PMEL: variants seen among roughly 807,000 people sequenced by gnomAD.
The protein encoded by PMEL is melanocyte protein PMEL.
Under a neutral mutation model 64.9 loss-of-function variants are expected in PMEL, and 53 were observed. The ratio of observed to expected loss-of-function variants is 0.82; its 90% CI spans 0.66 to 1.03. PMEL has a LOEUF of 1.03. PMEL is among the 50% of genes least tolerant of loss of function. The probability of loss-of-function intolerance (pLI) is 0.00; values close to 1 mark genes in which losing one functional copy is unlikely to be tolerated. For synonymous variants in PMEL, 299 were observed against 316.2 expected (o/e 0.95, Z 0.58); for missense variants, 716 against 814.9 (o/e 0.88, Z 1.48).
At chr12:55,962,448 C>CAAAAAAAA (rs1197796228) in intron 1 of PMEL, among the ~76,000 whole-genome samples, 40 of 37,508 alleles carry the variant, frequency 1.1e-3, no homozygotes, top group Non-Finnish European at 1.5e-3. Context: ...GACTCCATCT[C>CAAAAAAAA]AAAAAAAAAA....
rs759900864 is a variant in PMEL, at chr12:55,954,285, G to A, written c.1915C>T (p.Arg639Cys). The A allele has an allele frequency of 5.6e-6, 9 of 1,613,716 alleles. No homozygotes were observed. The highest frequency in any genetic ancestry group is 3.3e-5 in the South Asian group (3 of 91,068). Residue 639 changes from arginine (R) to cysteine (C), a missense_variant, in exon 11 of 11, where the codon CGT (arginine) becomes TGT (cysteine). Transcript: ENST00000548747. ...CAAGAGCAGAAGATGCGGGGTAGAC[G>A]CAGCCAGTGACTGCTGCTATGTGGC... ...QLPHSSSHWL[R>C]LPRIFCSCPI...
At position 55,955,850 on chromosome 12, in the gene PMEL, A is replaced by C. The variant is rs1375319386; in HGVS notation, c.1485T>G (p.Ser495Arg). ...VTLDIVQGIE[S>R]AEILQAVPSG... Reference sequence around the variant, plus strand: ...ACGGCACAGCCTGCAGGATCTCGGCACTTTCAATACCCTCTGCAGAGTTGC... The same window carrying C: ...ACGGCACAGCCTGCAGGATCTCGGCCCTTTCAATACCCTCTGCAGAGTTGC... The change falls in exon 8 of 11, where the codon AGT becomes AGG. Residue 495 changes from serine (S) to arginine (R), a missense_variant. By Grantham distance (110) the Ser-to-Arg change is moderately radical. Transcript: ENST00000548747. 1 of 1,613,798 alleles carries C rather than the reference A, an allele frequency of 6.2e-7. No individual in the cohort carries two copies. The highest frequency in any genetic ancestry group is 8.5e-7 in the Non-Finnish European group (1 of 1,179,842).
chr12:55,961,796 T>A, intron 1 of PMEL, 64 bp from the exon 2 acceptor site: 1 of 995,398 alleles, frequency 1.0e-6, no homozygotes, highest in Non-Finnish European at 1.6e-6. Flanking sequence ...GATAACACTC[T>A]ATTCATGTCA....
chr12:55,960,536 T>TG (rs201470356), intron 3 of PMEL, among the ~76,000 whole-genome samples: 1 of 133,034 alleles, frequency 7.5e-6, no homozygotes, highest in African/African-American at 3.2e-5. Context: ...TTTTGCTTTC[T>TG]GTTTTTTTTT....
At chr12:55,961,590 C>T in intron 2 of PMEL, 32 bp downstream of exon 2, 1 of 1,598,578 alleles carries the variant, frequency 6.3e-7, no homozygotes, top group African/African-American at 1.3e-5. Flanking sequence ...CCACTCCCAC[C>T]ATGCCCTCCC....
In PMEL at chr12:55,955,609, C is replaced by T. The variant is rs1311297797; in HGVS notation, c.1617G>A (p.Arg539=). 2 of 1,613,778 alleles carry T rather than the reference C, an allele frequency of 1.2e-6. No individual in the cohort carries two copies. The highest frequency in any genetic ancestry group is 1.7e-6 in the Non-Finnish European group (2 of 1,179,984). Residue 539 remains arginine (R), a synonymous_variant, in exon 9 of 11, where the codon CGG becomes CGA. Transcript: ENST00000548747. ...GGCTGGGTAGCACAGGCTGGCACAGCCGCTGGGCAGGGGGCTGGCACCCTG... is the reference window on the plus strand; with the variant it reads ...GGCTGGGTAGCACAGGCTGGCACAGTCGCTGGGCAGGGGGCTGGCACCCTG... ...SSPGCQPPAQ[R]LCQPVLPSPA...
upstream of PMEL, chr12:55,966,282 G>A (rs1359700033): frequency 9.3e-6 from 5 of 539,142 alleles, no homozygotes; most frequent in Middle Eastern, 5.1e-4. Flanking sequence ...AGGCAGCTGC[G>A]TAACACATAC....
At chr12:55,964,928 CTTTTTTT>C (rs545848638) in intron 1 of PMEL, among the ~76,000 whole-genome samples, 1 of 123,778 alleles carries the variant, frequency 8.1e-6, no homozygotes, top group Non-Finnish European at 1.7e-5. Context: ...CATCCCCTTT[CTTTTTTT>C]TTTTTTTTTT....
At chr12:55,966,049 A>C, upstream of PMEL, 1 of 1,614,060 alleles carries the variant, frequency 6.2e-7, no homozygotes, top group South Asian at 1.1e-5. Context: ...CACTGGGGGG[A>C]CTGGGATAGG....
chr12:55,954,365 G>A lies in PMEL; in HGVS notation c.1851-16C>T. On this transcript the variant is annotated splice_polypyrimidine_tract_variant and intron_variant, in intron 10 of 10. Transcript: ENST00000548747. The stretch of plus-strand genomic sequence containing the variant: ...AAGTCTGCGCCTGATATTGGGAGAA[G>A]GGGTAAACTGGTTAGCAATGGACAA... The A allele has an allele frequency of 6.2e-7, 1 of 1,613,790 alleles. No homozygotes were observed. Among genetic ancestry groups the A allele is most frequent in the Non-Finnish European group, 8.5e-7 (1 of 1,179,802 alleles).
rs746653925 is a variant in PMEL at position 55,966,019 on chromosome 12, T to C, written c.-8A>G. ...TTTTAGCACCAGATCCATTGTGTTCTTCCCTCCAGCAACCAAAGGCACTGG... is the reference window on the plus strand; with the variant it reads ...TTTTAGCACCAGATCCATTGTGTTCCTCCCTCCAGCAACCAAAGGCACTGG... On this transcript the variant is annotated 5_prime_UTR_variant, in exon 1 of 11. Transcript: ENST00000548747. The C allele has an allele frequency of 2.5e-6, 4 of 1,614,204 alleles. No homozygotes were observed. The highest frequency in any genetic ancestry group is 3.4e-6 in the Non-Finnish European group (4 of 1,180,004).
chr12:55,955,588 G>C lies in PMEL; in HGVS notation c.1638C>G (p.Pro546=). ...PAQRLCQPVL[P]SPACQLVLHQ... Reference sequence around the variant, plus strand: ...GCAGAACCAGCTGGCAGGCTGGGCTGGGTAGCACAGGCTGGCACAGCCGCT... The same window carrying C: ...GCAGAACCAGCTGGCAGGCTGGGCTCGGTAGCACAGGCTGGCACAGCCGCT... The change falls in exon 9 of 11, where the codon CCC becomes CCG. Residue 546 remains proline, a synonymous_variant. Coordinates refer to ENST00000548747, the MANE Select transcript of PMEL (RefSeq NM_001384361.1). 1 of 1,613,978 alleles carries C rather than the reference G, an allele frequency of 6.2e-7. No homozygotes were observed. Among genetic ancestry groups the C allele is most frequent in the Non-Finnish European group, 8.5e-7 (1 of 1,180,000 alleles).
At chr12:55,958,363 T>G in intron 4 of PMEL, 110 bp downstream of exon 4, 1 of 1,113,416 alleles carries the variant, frequency 9.0e-7, no homozygotes. Context: ...AAAATGAAGA[T>G]TAGAGAAAAT....
chr12:55,961,775 T>C (rs771782519), intron 1 of PMEL, 43 bp from the exon 2 acceptor site: 18 of 1,229,380 alleles, frequency 1.5e-5, no homozygotes, highest in Non-Finnish European at 1.9e-5. Flanking sequence ...TCCTTTCAGT[T>C]CCTTCTCAGG....
At chr12:55,961,817 T>C in intron 1 of PMEL, 85 bp from the exon 2 acceptor site, 1 of 857,508 alleles carries the variant, frequency 1.2e-6, no homozygotes, top group Non-Finnish European at 1.9e-6. Flanking sequence ...CTCCATTCAT[T>C]CTCACATTCG....
rs1270417821 is a variant in PMEL, at chr12:55,958,420, T to C, written c.469+53A>G. ...GGCGGCCAAAAGAAAGGTGATCAGG[T>C]AGAAAGAAGTAAACACAAGTGTGGA... On this transcript the variant is annotated intron_variant, in intron 4 of 10. Transcript: ENST00000548747. 3.2e-6 allele frequency: 5 copies of C among 1,566,432 alleles called. No individual in the cohort carries two copies. The East Asian group carries it at 6.8e-5, about 21-fold the overall frequency.
chr12:55,957,739 C>T (rs549043141), intron 5 of PMEL, 68 bp from the exon 6 acceptor site: 1 of 1,547,552 alleles, frequency 6.5e-7, no homozygotes, highest in South Asian at 1.2e-5. Context: ...CAGCCACACC[C>T]TCCAACTCCA....
intron 3 of PMEL, 156 bp downstream of exon 3, chr12:55,961,161 C>T (rs574635197): frequency 1.4e-4 from 85 of 613,024 alleles, no homozygotes; most frequent in Admixed American, 1.2e-3. Flanking sequence ...GCCGAGATTG[C>T]GCCACTGCAC....
chr12:55,962,127 C>T (rs1040951587), intron 1 of PMEL, among the ~76,000 whole-genome samples: 3 of 151,884 alleles, frequency 2.0e-5, no homozygotes, highest in South Asian at 2.1e-4. Context: ...TGAGCCACTG[C>T]GCCCGGCTGA....
Sources: allele counts gnomAD v4.1 joint callset (sites outside exome capture counted in the v4.1 genomes callset), GRCh38; gene constraint gnomAD v4.1.1; transcripts MANE v1.5; gene names NCBI Gene and HGNC (gene_info 2026-07-23, HGNC 2026-07-21).